The following PCDHA13 variants were observed in gnomAD, a reference collection of about 807,000 sequenced individuals.
The protein encoded by PCDHA13 is protocadherin alpha-13.
Under a neutral mutation model 64.8 loss-of-function variants are expected in PCDHA13, and 54 were observed. The observed-to-expected ratio is 0.83, with a 90% CI of 0.67 to 1.04. The LOEUF (loss-of-function observed/expected upper bound fraction) is 1.04, where lower values mean the gene tolerates loss of function less well. PCDHA13 is among the 50% of genes least tolerant of loss of function. The probability of loss-of-function intolerance (pLI) is 0.00; values close to 1 mark genes in which losing one functional copy is unlikely to be tolerated. For missense variants in PCDHA13, 1,248 were observed against 1,254.3 expected, an observed-to-expected ratio of 0.99 and a Z score of 0.08; for synonymous variants, 587 against 564.4, an observed-to-expected ratio of 1.04 and a Z score of -0.57.
chr5:140,919,666 A>G (rs1247598579), intron 1 of PCDHA13, among the ~76,000 whole-genome samples: 1 of 152,154 alleles, frequency 6.6e-6, no homozygotes. Context: ...TATATATTTT[A>G]GCTTATTGGT....
At chr5:140,966,790 T>C in intron 1 of PCDHA13, 1 of 1,529,556 alleles carries the variant, frequency 6.5e-7, no homozygotes, top group Non-Finnish European at 8.8e-7. Context: ...GCACCAGACC[T>C]GCGGCGACAG....
intron 1 of PCDHA13, among the ~76,000 whole-genome samples, chr5:140,923,261 A>C (rs570487869): frequency 6.6e-6 from 1 of 152,322 alleles, no homozygotes; most frequent in East Asian, 1.9e-4. Flanking sequence ...CAACATAGTG[A>C]GACCTTGTCT....
rs1475862780 is a variant in PCDHA13 at position 140,982,724 on chromosome 5, G to T, written c.2542+161G>T. On this transcript the variant is annotated intron_variant, in intron 3 of 3. Transcript: ENST00000289272. Reference sequence around the variant, plus strand: ...ATTTCCTTACATATATGATTATTTTGATTTTATACCTAATGCTCTTCAGGA... The same window carrying T: ...ATTTCCTTACATATATGATTATTTTTATTTTATACCTAATGCTCTTCAGGA... 5.5e-6 allele frequency: 5 copies of T among 906,286 alleles called. No homozygotes were observed. The African/African-American group carries it at 9.0e-5, about 16-fold the overall frequency. The allele number at this position is 906,286 out of a possible 1,614,324, so 56.1% of individuals were successfully genotyped here.
chr5:141,010,360 C>T lies in PCDHA13; in HGVS notation c.*423C>T, dbSNP rs1436094767. 22 of 1,488,936 alleles carry T rather than the reference C, an allele frequency of 1.5e-5. No individual in the cohort carries two copies. Among genetic ancestry groups the T allele is most frequent in the Non-Finnish European group, 1.9e-5 (21 of 1,118,260 alleles). The allele number at this position is 1,488,936 out of a possible 1,614,324, so 92.2% of individuals were successfully genotyped here. ...GGCCACTGGGTATGTGTGGCTACCG[C>T]GGGTATGCGAGTGCCAGATATTGGC... On this transcript the variant is annotated 3_prime_UTR_variant, in exon 4 of 4. Coordinates refer to ENST00000289272, the MANE Select transcript of PCDHA13 (RefSeq NM_018904.3).
At chr5:140,973,760 A>T (rs2153800993) in intron 1 of PCDHA13, among the ~76,000 whole-genome samples, 1 of 152,376 alleles carries the variant, frequency 6.6e-6, no homozygotes, top group Admixed American at 6.5e-5. Flanking sequence ...GCAGGGACAC[A>T]GCCTGGCATA....
chr5:140,906,120 A>C (rs1554192404), intron 1 of PCDHA13, among the ~76,000 whole-genome samples: 1 of 152,134 alleles, frequency 6.6e-6, no homozygotes, highest in East Asian at 1.9e-4. Flanking sequence ...CCACTGACAC[A>C]AATGTTAGTC....
At position 140,884,444 on chromosome 5, in the gene PCDHA13, C is replaced by G. The variant is rs1186302015; in HGVS notation, c.2176C>G (p.Pro726Ala). 1 of 1,613,776 alleles carries G rather than the reference C, an allele frequency of 6.2e-7. No individual in the cohort carries two copies. The highest frequency in any genetic ancestry group is 2.2e-5 in the East Asian group (1 of 44,866). ...LLYTALRCSA[P>A]PTEGACAPGK... is the part of the protein sequence containing the mutation. Reference sequence around the variant, plus strand: ...GTATACTGCGCTGCGGTGCTCGGCACCGCCCACCGAGGGCGCGTGCGCGCC... The same window carrying G: ...GTATACTGCGCTGCGGTGCTCGGCAGCGCCCACCGAGGGCGCGTGCGCGCC... The change falls in exon 1 of 4, where the codon CCG becomes GCG. Residue 726 changes from proline (P) to alanine (A), a missense_variant. Physicochemically the swap from Pro to Ala is conservative, Grantham distance 27 (BLOSUM62 -1). Transcript: ENST00000289272.
intron 1 of PCDHA13, among the ~76,000 whole-genome samples, chr5:140,898,068 C>A (rs1420706890): frequency 8.5e-5 from 13 of 152,050 alleles, no homozygotes; most frequent in African/African-American, 2.7e-4. Context: ...TGTTTGAGTT[C>A]ATTGTAGATT....
chr5:140,969,907 G>A (rs2096367708), intron 1 of PCDHA13, among the ~76,000 whole-genome samples: 1 of 152,204 alleles, frequency 6.6e-6, no homozygotes, highest in Non-Finnish European at 1.5e-5. Context: ...CATGTCACAA[G>A]TGATAAAGCT....
rs781992873 is a variant in PCDHA13 at position 140,883,126 on chromosome 5, G to A, written c.858G>A (p.Trp286Ter). 1.2e-6 allele frequency: 2 copies of A among 1,614,036 alleles called. No individual in the cohort carries two copies. Among genetic ancestry groups the A allele is most frequent in the South Asian group, 1.1e-5 (1 of 91,074 alleles). The change falls in exon 1 of 4, where the codon TGG becomes TGA. Residue 286 changes from tryptophan to a stop codon, truncating the protein, a stop_gained. Coordinates refer to ENST00000289272, the MANE Select transcript of PCDHA13 (RefSeq NM_018904.3). LOFTEE classifies it high-confidence loss of function. ...TTTACTCATTTAGAAGGCCTGTATG[G>A]CCTGCAGTGGTATATGCATTTACCA... ...DIVYSFRRPV[W>*]PAVVYAFTIN... is the part of the protein sequence containing the mutation.
chr5:140,956,749 G>A (rs1179471294), intron 1 of PCDHA13, among the ~76,000 whole-genome samples: 5 of 152,144 alleles, frequency 3.3e-5, no homozygotes, highest in African/African-American at 1.2e-4. Context: ...ACCTCTGATA[G>A]AATTCAGCTG....
chr5:140,904,365 A>G (rs1036617665), intron 1 of PCDHA13, among the ~76,000 whole-genome samples: 2 of 151,790 alleles, frequency 1.3e-5, no homozygotes, highest in African/African-American at 4.8e-5. Context: ...CCATTATTTC[A>G]TTCCTTTTTA....
chr5:140,902,756 C>A (rs1434955469), intron 1 of PCDHA13, among the ~76,000 whole-genome samples: 1 of 150,258 alleles, frequency 6.7e-6, no homozygotes, highest in Admixed American at 6.6e-5. Flanking sequence ...TTATATCATT[C>A]TTATGTCTTT....
In PCDHA13 at chr5:140,946,774, T is replaced by G. The variant is rs57013515; in HGVS notation, c.2395-32175T>G. On this transcript the variant is annotated intron_variant, in intron 1 of 3. Coordinates refer to ENST00000289272, the MANE Select transcript of PCDHA13 (RefSeq NM_018904.3). ...TGCATGATCTCATTCATGTGGAATGTAAAAAAGCTGATCTTATAGAAGCAG... is the reference window on the plus strand; with the variant it reads ...TGCATGATCTCATTCATGTGGAATGGAAAAAAGCTGATCTTATAGAAGCAG... Among the ~76,000 whole-genome samples, 481 of 151,404 alleles carry G rather than the reference T, an allele frequency of 3.2e-3. 2 individuals are homozygous for G. Among genetic ancestry groups the G allele is most frequent in the African/African-American group, 0.011 (462 of 41,264 alleles).
intron 1 of PCDHA13, among the ~76,000 whole-genome samples, chr5:140,973,878 A>T (rs1440672302): frequency 6.6e-6 from 1 of 152,214 alleles, no homozygotes; most frequent in African/African-American, 2.4e-5. Context: ...GGTCAGAATA[A>T]TGTCAATTTG....
chr5:140,884,248 G>A lies in PCDHA13; in HGVS notation c.1980G>A (p.Thr660=). 1.2e-6 allele frequency: 2 copies of A among 1,613,458 alleles called. No individual in the cohort carries two copies. Among genetic ancestry groups the A allele is most frequent in the Non-Finnish European group, 1.7e-6 (2 of 1,179,726 alleles). Reference sequence around the variant, plus strand: ...AGGACCACGGTGAGCCCGCGCTGACGGCCACGGCAACGGTGCTGTTGTCGC... The same window carrying A: ...AGGACCACGGTGAGCCCGCGCTGACAGCCACGGCAACGGTGCTGTTGTCGC... ...LVKDHGEPAL[T]ATATVLLSLV... is the part of the protein sequence containing the mutation. Residue 660 remains threonine, a synonymous_variant, in exon 1 of 4, where the codon ACG becomes ACA. Coordinates refer to ENST00000289272, the MANE Select transcript of PCDHA13 (RefSeq NM_018904.3).
At chr5:140,927,172 G>A (rs782548172) in intron 1 of PCDHA13, 7 of 1,614,034 alleles carry the variant, frequency 4.3e-6, no homozygotes, top group East Asian at 4.5e-5. Context: ...AGCTGCCTGC[G>A]TCTTGACCTA....
intron 3 of PCDHA13, among the ~76,000 whole-genome samples, chr5:141,007,707 C>T (rs1027610738): frequency 6.6e-6 from 1 of 152,172 alleles, no homozygotes; most frequent in Non-Finnish European, 1.5e-5. Context: ...CCTCTGCCTC[C>T]CACCACCAGG....
In PCDHA13 at chr5:140,882,899, T is replaced by C. The variant is rs956861597; in HGVS notation, c.631T>C (p.Leu211=). The change falls in exon 1 of 4, where the codon TTA becomes CTA. Residue 211 remains leucine (L), a synonymous_variant. Coordinates refer to ENST00000289272, the MANE Select transcript of PCDHA13 (RefSeq NM_018904.3). The stretch of plus-strand genomic sequence containing the variant: ...AGAGGAAATTCAGGAACATAGTTTA[T>C]TACTGACAGCCAGTGATGGAGGTAA... ...DREEIQEHSL[L]LTASDGGKPE... is the part of the protein sequence containing the mutation. The C allele has an allele frequency of 6.2e-7, 1 of 1,614,228 alleles. No homozygotes were observed.
Sources: gnomAD v4.1 joint callset for allele counts (sites outside exome capture counted in the v4.1 genomes callset) on GRCh38, gnomAD v4.1.1 for gene constraint, MANE v1.5 for transcripts, NCBI Gene and HGNC (gene_info 2026-07-23, HGNC 2026-07-21) for gene names.